GABRB1: variants seen among roughly 807,000 people sequenced by gnomAD.
The protein encoded by GABRB1 is gamma-aminobutyric acid type A receptor subunit beta1, also known as gamma-aminobutyric acid receptor subunit beta-1.
A neutral mutation model predicts 51.6 loss-of-function variants in GABRB1; 17 were observed. The observed-to-expected ratio is 0.33, with a 90% CI of 0.23 to 0.49. The LOEUF is 0.49. Among genes scored for constraint, GABRB1 ranks in the 20% least tolerant of loss-of-function variants. The probability of loss-of-function intolerance (pLI) is 0.99; values close to 1 mark genes in which losing one functional copy is unlikely to be tolerated. For missense variants in GABRB1, 410 were observed against 600.6 expected (o/e 0.68, Z 3.32); for synonymous variants, 247 against 218.9 (o/e 1.13, Z -1.14).
Position 47,123,236 on chromosome 4 carries a change from A to T in GABRB1, c.241-38013A>T, listed in dbSNP as rs1715864823. 2.7e-5 allele frequency among the ~76,000 whole-genome samples: 4 copies of T among 147,158 alleles called. No homozygotes were observed. In the South Asian group the frequency reaches 8.4e-4, roughly 31 times the overall value. On this transcript the variant is annotated intron_variant, in intron 3 of 8. Transcript: ENST00000295454. Reference sequence around the variant, plus strand: ...TCTGGGCTAGAGACGAAATAAATCCAGTTCTTATACATACATATGTGTATG... The same window carrying T: ...TCTGGGCTAGAGACGAAATAAATCCTGTTCTTATACATACATATGTGTATG...
chr4:47,181,757 G>C (rs1396057098), intron 4 of GABRB1, among the ~76,000 whole-genome samples: 3 of 151,994 alleles, frequency 2.0e-5, no homozygotes, highest in Admixed American at 6.6e-5. Context: ...TCAAAGGCAA[G>C]ATTTAATGAC....
intron 3 of GABRB1, among the ~76,000 whole-genome samples, chr4:47,040,721 T>G (rs926452952): frequency 2.0e-5 from 3 of 152,162 alleles, no homozygotes; most frequent in Admixed American, 1.3e-4. Flanking sequence ...TAAGGTGAGC[T>G]CTACAGAGAT....
At chr4:47,278,994 T>C (rs1723180761) in intron 4 of GABRB1, among the ~76,000 whole-genome samples, 1 of 152,104 alleles carries the variant, frequency 6.6e-6, no homozygotes, top group Admixed American at 6.6e-5. Context: ...GTTACTCTTA[T>C]TTGCATCTTC....
intron 4 of GABRB1, among the ~76,000 whole-genome samples, chr4:47,316,389 C>G (rs1724889720): frequency 6.6e-6 from 1 of 151,936 alleles, no homozygotes; most frequent in South Asian, 2.1e-4. Context: ...CAGTTCCATC[C>G]ATGTTGCAGC....
At chr4:47,347,591 CT>C (rs1202649371) in intron 5 of GABRB1, among the ~76,000 whole-genome samples, 1 of 151,786 alleles carries the variant, frequency 6.6e-6, no homozygotes, top group Non-Finnish European at 1.5e-5. Flanking sequence ...TTAAGTAATG[CT>C]GATGAACAAA....
intron 5 of GABRB1, among the ~76,000 whole-genome samples, chr4:47,350,202 T>TAGAG (rs1235374897): frequency 5.4e-5 from 5 of 92,514 alleles, no homozygotes; most frequent in Non-Finnish European, 8.4e-5. Flanking sequence ...TATATATATA[T>TAGAG]ATATATATAT....
At chr4:47,239,832 T>C (rs1179944777) in intron 4 of GABRB1, among the ~76,000 whole-genome samples, 2 of 152,230 alleles carry the variant, frequency 1.3e-5, no homozygotes, top group African/African-American at 2.4e-5. Flanking sequence ...CAGTCCTGGC[T>C]GGCTGTGTTC....
intron 4 of GABRB1, among the ~76,000 whole-genome samples, chr4:47,296,350 T>G (rs1401462954): frequency 6.6e-6 from 1 of 152,154 alleles, no homozygotes; most frequent in African/African-American, 2.4e-5. Flanking sequence ...CAGTGTGCTG[T>G]ATTCAGGAAA....
chr4:47,003,078 A>AT (rs1416514149), intron 1 of GABRB1, among the ~76,000 whole-genome samples: 3 of 102,872 alleles, frequency 2.9e-5, no homozygotes, highest in East Asian at 2.7e-4. Flanking sequence ...TTGCTTTATA[A>AT]TAAAAAAAAA....
chr4:47,352,367 A>G (rs1001475378), intron 5 of GABRB1, among the ~76,000 whole-genome samples: 2 of 152,198 alleles, frequency 1.3e-5, no homozygotes, highest in African/African-American at 4.8e-5. Flanking sequence ...TTCCTTCTGA[A>G]ACTATTCCAA....
intron 3 of GABRB1, among the ~76,000 whole-genome samples, chr4:47,042,025 A>G (rs1179066570): frequency 1.3e-5 from 2 of 152,156 alleles, no homozygotes; most frequent in East Asian, 3.9e-4. Flanking sequence ...TAATTTAGGA[A>G]TTATACATAT....
intron 4 of GABRB1, among the ~76,000 whole-genome samples, chr4:47,318,688 T>C (rs1724969212): frequency 6.6e-6 from 1 of 152,088 alleles, no homozygotes; most frequent in Admixed American, 6.5e-5. Flanking sequence ...CTGGACTTCA[T>C]TATCTCTCCA....
chr4:47,152,876 G>A (rs1166764442), intron 3 of GABRB1, among the ~76,000 whole-genome samples: 1 of 151,978 alleles, frequency 6.6e-6, no homozygotes, highest in Non-Finnish European at 1.5e-5. Context: ...CCTTCCTTTA[G>A]TGGAGTATTA....
At chr4:47,392,922 A>G (rs879091500) in intron 5 of GABRB1, among the ~76,000 whole-genome samples, 2 of 152,202 alleles carry the variant, frequency 1.3e-5, no homozygotes, top group Admixed American at 1.3e-4. Flanking sequence ...CCATCTAGCT[A>G]GTTTAGTATG....
At chr4:47,128,163 TA>T (rs1422838704) in intron 3 of GABRB1, among the ~76,000 whole-genome samples, 8 of 151,730 alleles carry the variant, frequency 5.3e-5, no homozygotes, top group Non-Finnish European at 1.2e-4. Context: ...ACACAAATAA[TA>T]AGAAAGTTGA....
intron 5 of GABRB1, among the ~76,000 whole-genome samples, chr4:47,333,833 A>T (rs1182074770): frequency 2.0e-5 from 3 of 152,188 alleles, no homozygotes; most frequent in African/African-American, 7.2e-5. Context: ...ATCCCACCAC[A>T]CTGTGCCCTA....
At chr4:47,152,359 A>G (rs907921547) in intron 3 of GABRB1, among the ~76,000 whole-genome samples, 12 of 152,006 alleles carry the variant, frequency 7.9e-5, no homozygotes, top group African/African-American at 2.9e-4. Flanking sequence ...CCTGAAAGAT[A>G]AACTTTGCCT....
chr4:47,134,980 G>A (rs928840277), intron 3 of GABRB1, among the ~76,000 whole-genome samples: 4 of 152,038 alleles, frequency 2.6e-5, no homozygotes, highest in African/African-American at 7.2e-5. Context: ...AATAAAATTA[G>A]CCAGGTGTAG....
intron 3 of GABRB1, among the ~76,000 whole-genome samples, chr4:47,071,287 G>A (rs571645755): frequency 6.6e-5 from 10 of 152,300 alleles, no homozygotes; most frequent in Non-Finnish European, 1.3e-4. Context: ...CACCATCTAT[G>A]CACAACAGAG....
Sources: gnomAD v4.1 joint callset for allele counts (sites outside exome capture counted in the v4.1 genomes callset) on GRCh38, gnomAD v4.1.1 for gene constraint, MANE v1.5 for transcripts, NCBI Gene and HGNC (gene_info 2026-07-23, HGNC 2026-07-21) for gene names.